MAN2A1: variants seen among roughly 807,000 people sequenced by gnomAD.
The protein encoded by MAN2A1 is alpha-mannosidase 2.
In MAN2A1, 76 loss-of-function variants were observed where a neutral mutation model predicts 142.6. That is an observed-to-expected ratio of 0.53 (90% CI 0.44 to 0.65). The LOEUF (loss-of-function observed/expected upper bound fraction) is 0.65. MAN2A1 is among the 30% of genes least tolerant of loss of function. The probability of loss-of-function intolerance (pLI) is 0.00; values close to 1 mark genes in which losing one functional copy is unlikely to be tolerated. For missense variants in MAN2A1, 1,311 were observed against 1,365.1 expected (o/e 0.96, Z 0.62); for synonymous variants, 559 against 473.2 (o/e 1.18, Z -2.35).
chr5:109,802,764 G>A lies in MAN2A1; in HGVS notation c.1943+13237G>A, dbSNP rs189021174. 3.7e-3 allele frequency among the ~76,000 whole-genome samples: 560 copies of A among 151,384 alleles called. 5 individuals are homozygous for A. Among genetic ancestry groups the A allele is most frequent in the African/African-American group, 0.013 (531 of 41,292 alleles). ...AGGTGTTGACTTTTTTTTTCTTTGC[G>A]AGAATTCATTCCTTGACTTTACTGA... On this transcript the variant is annotated intron_variant, in intron 12 of 21. Transcript: ENST00000261483.
intron 16 of MAN2A1, among the ~76,000 whole-genome samples, chr5:109,833,116 G>A (rs1754966508): frequency 6.6e-6 from 1 of 151,666 alleles, no homozygotes; most frequent in Non-Finnish European, 1.5e-5. Flanking sequence ...ACGATGGGTG[G>A]CCGGGCAGAG....
chr5:109,803,171 G>A (rs945713101), intron 12 of MAN2A1, among the ~76,000 whole-genome samples: 1 of 151,922 alleles, frequency 6.6e-6, no homozygotes, highest in Non-Finnish European at 1.5e-5. Flanking sequence ...CTATGATTTT[G>A]TTCTTAGGTA....
At chr5:109,791,713 G>A (rs1753741396) in intron 12 of MAN2A1, among the ~76,000 whole-genome samples, 1 of 151,952 alleles carries the variant, frequency 6.6e-6, no homozygotes, top group Admixed American at 6.6e-5. Flanking sequence ...ATAAAGCACA[G>A]ATATAGTACG....
intron 3 of MAN2A1, among the ~76,000 whole-genome samples, chr5:109,722,564 G>A (rs1267637580): frequency 6.6e-6 from 1 of 152,062 alleles, no homozygotes; most frequent in Non-Finnish European, 1.5e-5. Flanking sequence ...ACAGGCACAC[G>A]CCACAGTGCC....
At chr5:109,693,463 C>G (rs939143068) in intron 1 of MAN2A1, among the ~76,000 whole-genome samples, 1 of 152,004 alleles carries the variant, frequency 6.6e-6, no homozygotes, top group Admixed American at 6.6e-5. Flanking sequence ...TATTGGGTTC[C>G]TCTAAATTGC....
chr5:109,700,940 C>T (rs1750963188), intron 1 of MAN2A1, among the ~76,000 whole-genome samples: 1 of 152,116 alleles, frequency 6.6e-6, no homozygotes, highest in Non-Finnish European at 1.5e-5. Flanking sequence ...TTTAGGGAAA[C>T]AAAACTGCCG....
Position 109,724,583 on chromosome 5 carries a change from A to G in MAN2A1, c.536-4759A>G, listed in dbSNP as rs554295816. On this transcript the variant is annotated intron_variant, in intron 3 of 21. Transcript: ENST00000261483. ...TTACCAATGTATTATTTATCTGGATATAATTATTTTTTATTCAAAAACTTT... is the reference window on the plus strand; with the variant it reads ...TTACCAATGTATTATTTATCTGGATGTAATTATTTTTTATTCAAAAACTTT... Among the ~76,000 whole-genome samples, 5 of 152,302 alleles carry G rather than the reference A, an allele frequency of 3.3e-5. No homozygotes were observed. In the South Asian group the frequency reaches 6.2e-4, roughly 19 times the overall value.
chr5:109,720,751 G>A (rs755207168), intron 3 of MAN2A1, among the ~76,000 whole-genome samples: 7 of 152,168 alleles, frequency 4.6e-5, no homozygotes, highest in African/African-American at 7.2e-5. Context: ...ATTCAAAGCC[G>A]TCCTGGGCCA....
chr5:109,713,556 T>G lies in MAN2A1; in HGVS notation c.172T>G (p.Leu58Val). ...LSMLQEKIDHLERLLAENNEI... is the reference protein window; with the variant it reads ...LSMLQEKIDHVERLLAENNEI... ...AATGTTGCAAGAAAAAATAGACCAT[T>G]TGGAGCGTTTGCTAGCTGAGAATAA... Residue 58 changes from leucine to valine, a missense_variant, in exon 2 of 22, where the codon TTG becomes GTG. Coordinates refer to ENST00000261483, the MANE Select transcript of MAN2A1 (RefSeq NM_002372.4). 4 of 1,613,096 alleles carry G rather than the reference T, an allele frequency of 2.5e-6. No individual in the cohort carries two copies. Among genetic ancestry groups the G allele is most frequent in the East Asian group, 2.2e-5 (1 of 44,846 alleles).
intron 1 of MAN2A1, among the ~76,000 whole-genome samples, chr5:109,701,983 T>A (rs895021476): frequency 6.6e-6 from 1 of 152,194 alleles, no homozygotes; most frequent in Non-Finnish European, 1.5e-5. Context: ...AGGGAGATGC[T>A]GATCTGGTAG....
In MAN2A1 at chr5:109,758,016, T is replaced by C. The variant is rs560429914; in HGVS notation, c.835+2560T>C. The stretch of plus-strand genomic sequence containing the variant: ...GCTGTTATACACATTTGTTTAAAAG[T>C]TTTTGTGTGACTCTACCTTTCTTCC... On this transcript the variant is annotated intron_variant, in intron 5 of 21. Coordinates refer to ENST00000261483, the MANE Select transcript of MAN2A1 (RefSeq NM_002372.4). 2.0e-5 allele frequency among the ~76,000 whole-genome samples: 3 copies of C among 152,230 alleles called. No homozygotes were observed. The East Asian group carries it at 5.8e-4, about 29-fold the overall frequency.
chr5:109,740,883 A>T (rs955532759), intron 4 of MAN2A1, among the ~76,000 whole-genome samples: 2 of 152,092 alleles, frequency 1.3e-5, no homozygotes, highest in African/African-American at 2.4e-5. Context: ...CTCTACCTGG[A>T]TGCAAATTTT....
chr5:109,865,731 A>G (rs1755863247), intron 21 of MAN2A1, among the ~76,000 whole-genome samples: 1 of 152,200 alleles, frequency 6.6e-6, no homozygotes, highest in African/African-American at 2.4e-5. Flanking sequence ...CGTGCAGGCC[A>G]AACAGATCCT....
intron 5 of MAN2A1, among the ~76,000 whole-genome samples, chr5:109,756,935 T>C (rs986228783): frequency 6.6e-6 from 1 of 152,158 alleles, no homozygotes; most frequent in Admixed American, 6.5e-5. Context: ...CCCCCAACAT[T>C]GGACACTGAG....
intron 12 of MAN2A1, among the ~76,000 whole-genome samples, chr5:109,805,817 A>G (rs954062299): frequency 3.5e-4 from 53 of 152,364 alleles, no homozygotes; most frequent in Middle Eastern, 3.4e-3. Flanking sequence ...GTTTTGAGGA[A>G]GAGACTACTG....
chr5:109,818,068 A>T (rs2112722390), intron 13 of MAN2A1, among the ~76,000 whole-genome samples: 1 of 152,270 alleles, frequency 6.6e-6, no homozygotes, highest in African/African-American at 2.4e-5. Context: ...GCATTTCTGG[A>T]GATACAGCCA....
At chr5:109,763,895 G>A (rs1042250912) in intron 5 of MAN2A1, among the ~76,000 whole-genome samples, 1 of 151,466 alleles carries the variant, frequency 6.6e-6, no homozygotes, top group Non-Finnish European at 1.5e-5. Context: ...TCCGCCTGCT[G>A]GGTTCAAGTG....
At chr5:109,795,662 G>A (rs1165169680) in intron 12 of MAN2A1, among the ~76,000 whole-genome samples, 1 of 152,154 alleles carries the variant, frequency 6.6e-6, no homozygotes, top group Non-Finnish European at 1.5e-5. Context: ...GTCTTTTAAA[G>A]CAAGTATGGA....
chr5:109,814,338 ACAAATGTTTGACTAC>A (rs554334670), intron 12 of MAN2A1, among the ~76,000 whole-genome samples: 3 of 152,342 alleles, frequency 2.0e-5, no homozygotes, highest in African/African-American at 7.2e-5. Context: ...TGGCAGTATA[ACAAATGTTTGACTAC>A]CAAATGTGAT....
Sources: gnomAD v4.1 joint callset for allele counts (sites outside exome capture counted in the v4.1 genomes callset) on GRCh38, gnomAD v4.1.1 for gene constraint, MANE v1.5 for transcripts, NCBI Gene and HGNC (gene_info 2026-07-23, HGNC 2026-07-21) for gene names.